The following TYR variants were observed in gnomAD, a reference collection of about 807,000 sequenced individuals.
The protein encoded by TYR is tyrosinase.
In TYR, 58 loss-of-function variants were observed where a neutral mutation model predicts 51.5. The observed-to-expected ratio is 1.13, with a 90% CI of 0.91 to 1.40. TYR has a LOEUF of 1.40. Among genes scored for constraint, TYR ranks in the 40% most tolerant of loss-of-function variants. The pLI is 0.00. For synonymous variants in TYR, 263 were observed against 235.2 expected (o/e 1.12, Z -1.08); for missense variants, 732 against 647.4 (o/e 1.13, Z -1.42).
intron 3 of TYR, among the ~76,000 whole-genome samples, chr11:89,240,997 C>T (rs1944186266): frequency 6.6e-6 from 1 of 152,060 alleles, no homozygotes; most frequent in African/African-American, 2.4e-5. Flanking sequence ...GTTGAAGACT[C>T]CAAAAGAAAG....
intron 2 of TYR, among the ~76,000 whole-genome samples, chr11:89,195,016 T>C (rs1249366923): frequency 1.3e-5 from 2 of 152,100 alleles, no homozygotes; most frequent in African/African-American, 4.8e-5. Context: ...ACACATTTTA[T>C]CTCACATCAT....
intron 4 of TYR, 81 bp downstream of exon 4, chr11:89,285,035 C>A: frequency 1.7e-6 from 2 of 1,207,698 alleles, no homozygotes; most frequent in African/African-American, 1.5e-5. Flanking sequence ...CTTTATGCTT[C>A]GACAATGTTA....
chr11:89,183,428 A>T (rs1943327340), intron 1 of TYR, among the ~76,000 whole-genome samples: 1 of 152,128 alleles, frequency 6.6e-6, no homozygotes, highest in Non-Finnish European at 1.5e-5. Context: ...AAAGAGAAAA[A>T]AAATGAGGTA....
At chr11:89,183,716 G>A (rs1178152059) in intron 1 of TYR, among the ~76,000 whole-genome samples, 1 of 152,010 alleles carries the variant, frequency 6.6e-6, no homozygotes, top group Non-Finnish European at 1.5e-5. Flanking sequence ...CCTATTGTTT[G>A]AGTTTCATGT....
chr11:89,221,387 G>T (rs1326241009), intron 2 of TYR, among the ~76,000 whole-genome samples: 2 of 152,186 alleles, frequency 1.3e-5, no homozygotes, highest in Non-Finnish European at 2.9e-5. Flanking sequence ...CAAATTAAAA[G>T]TATTTTCTAA....
chr11:89,271,144 A>G (rs944340181), intron 3 of TYR, among the ~76,000 whole-genome samples: 5 of 151,872 alleles, frequency 3.3e-5, no homozygotes, highest in Admixed American at 2.6e-4. Flanking sequence ...AACAATAATA[A>G]TAACATCTAT....
At chr11:89,267,204 G>A (rs1283578018) in intron 3 of TYR, among the ~76,000 whole-genome samples, 1 of 151,904 alleles carries the variant, frequency 6.6e-6, no homozygotes, top group East Asian at 1.9e-4. Context: ...TGTCTGCTAT[G>A]ACAAGAGTGT....
chr11:89,209,627 C>T lies in TYR; in HGVS notation c.1037-18196C>T, dbSNP rs561869695. On this transcript the variant is annotated intron_variant, in intron 2 of 4. Transcript: ENST00000263321. ...GCAGTGGCTCTTGGAGCACAGCGTT[C>T]GAGCTCCGATAATGGACAGACGGCC... is the stretch of plus-strand genomic sequence containing the variant. Among the ~76,000 whole-genome samples, 4 of 152,262 alleles carry T rather than the reference C, an allele frequency of 2.6e-5. No individual in the cohort carries two copies. In the South Asian group the frequency reaches 6.2e-4, roughly 24 times the overall value.
chr11:89,210,668 G>A (rs1591157077), intron 2 of TYR, among the ~76,000 whole-genome samples: 1 of 152,164 alleles, frequency 6.6e-6, no homozygotes, highest in African/African-American at 2.4e-5. Context: ...ATAATTGTCA[G>A]ATTCACCAAG....
In TYR at chr11:89,191,420, T is replaced by G. The variant is rs750894109; in HGVS notation, c.1036+2T>G. 1.9e-6 allele frequency: 3 copies of G among 1,612,428 alleles called. No individual in the cohort carries two copies. Among genetic ancestry groups the G allele is most frequent in the Admixed American group, 3.3e-5 (2 of 59,924 alleles). On this transcript the variant is annotated splice_donor_variant, in intron 2 of 4. Transcript: ENST00000263321. LOFTEE classifies it high-confidence loss of function. Reference sequence around the variant, plus strand: ...TCAGCTTTAGAAATACACTGGAAGGTAATCTCTTTCTTTTCACTTTTAATT... The same window carrying G: ...TCAGCTTTAGAAATACACTGGAAGGGAATCTCTTTCTTTTCACTTTTAATT...
At chr11:89,254,497 C>G (rs138904493) in intron 3 of TYR, among the ~76,000 whole-genome samples, 86 of 151,594 alleles carry the variant, frequency 5.7e-4, no homozygotes, top group African/African-American at 2.1e-3. Flanking sequence ...ATTTCAATGT[C>G]GCTGCTTTTT....
intron 3 of TYR, among the ~76,000 whole-genome samples, chr11:89,274,161 C>A (rs1447791740): frequency 2.0e-5 from 3 of 151,824 alleles, no homozygotes; most frequent in East Asian, 1.9e-4. Context: ...TTAAGTATCA[C>A]AATCATCTAG....
chr11:89,264,752 C>A (rs1360757173), intron 3 of TYR, among the ~76,000 whole-genome samples: 1,811 of 142,574 alleles, frequency 0.013, 40 homozygotes, highest in African/African-American at 0.047. Flanking sequence ...AAAAAACAAA[C>A]AAACAAACGA....
At chr11:89,223,810 G>T (rs1170421860) in intron 2 of TYR, among the ~76,000 whole-genome samples, 2 of 151,704 alleles carry the variant, frequency 1.3e-5, no homozygotes, top group South Asian at 4.2e-4. Flanking sequence ...AATCTGGTAT[G>T]TATTACAAAG....
chr11:89,295,230 G>C lies in TYR; in HGVS notation c.1454G>C (p.Gly485Ala), dbSNP rs940767921. 43 of 1,613,866 alleles carry C rather than the reference G, an allele frequency of 2.7e-5. No homozygotes were observed. Among genetic ancestry groups the C allele is most frequent in the Non-Finnish European group, 3.4e-5 (40 of 1,179,874 alleles). The change falls in exon 5 of 5, where the codon GGG (glycine) becomes GCG (alanine). Residue 485 changes from glycine (G) to alanine (A), a missense_variant. By Grantham distance (60) the Gly-to-Ala change is moderately conservative. Transcript: ENST00000263321. ...TGGCTCCTTGGGGCGGCGATGGTAG[G>C]GGCCGTCCTCACTGCCCTGCTGGCA... is the stretch of plus-strand genomic sequence containing the variant. Reference protein sequence around the residue: ...WSWLLGAAMVGAVLTALLAGL... With the variant: ...WSWLLGAAMVAAVLTALLAGL...
chr11:89,177,976 G>A lies in TYR; in HGVS notation c.23G>A (p.Cys8Tyr), dbSNP rs922323302. MLLAVLY[C>Y]LLWSFQTSAG... is the part of the protein sequence containing the mutation. Reference sequence around the variant, plus strand: ...AGAATGCTCCTGGCTGTTTTGTACTGCCTGCTGTGGAGTTTCCAGACCTCC... The same window carrying A: ...AGAATGCTCCTGGCTGTTTTGTACTACCTGCTGTGGAGTTTCCAGACCTCC... The change falls in exon 1 of 5, where the codon TGC (cysteine) becomes TAC (tyrosine). Residue 8 changes from cysteine (C) to tyrosine (Y), a missense_variant. Physicochemically the swap from Cys to Tyr is radical, Grantham distance 194. Transcript: ENST00000263321. The A allele has an allele frequency of 1.5e-5, 25 of 1,614,000 alleles. No individual in the cohort carries two copies. The highest frequency in any genetic ancestry group is 3.3e-5 in the Admixed American group (2 of 60,000).
At chr11:89,275,884 T>C (rs544121043) in intron 3 of TYR, among the ~76,000 whole-genome samples, 9 of 152,012 alleles carry the variant, frequency 5.9e-5, no homozygotes, top group Non-Finnish European at 1.3e-4. Flanking sequence ...CCATTTAGGT[T>C]ATAGTTCACA....
At chr11:89,277,123 T>C (rs1337722790) in intron 3 of TYR, among the ~76,000 whole-genome samples, 1 of 151,778 alleles carries the variant, frequency 6.6e-6, no homozygotes, top group African/African-American at 2.4e-5. Context: ...ATGAGCACAC[T>C]GAGGCTTAGA....
chr11:89,233,788 T>TAAA lies in TYR; in HGVS notation c.1184+5818_1184+5819insAAA, dbSNP rs1944079878. ...TGGGCTTAAAGTATTCAGTAAACCA[T>TAAA]GCTGTAAACGGATATGCTATCATGC... is the stretch of plus-strand genomic sequence containing the variant. On this transcript the variant is annotated intron_variant, in intron 3 of 4. Coordinates refer to ENST00000263321, the MANE Select transcript of TYR (RefSeq NM_000372.5). Among the ~76,000 whole-genome samples, 2 of 142,980 alleles carry TAAA rather than the reference T, an allele frequency of 1.4e-5. 1 individual carries two copies. The highest frequency in any genetic ancestry group is 3.0e-5 in the Non-Finnish European group (2 of 66,558). 93.8% of individuals were successfully genotyped at this position (142,980 alleles called of 152,430 possible).
Sources: gnomAD v4.1 joint callset for allele counts (sites outside exome capture counted in the v4.1 genomes callset) on GRCh38, gnomAD v4.1.1 for gene constraint, MANE v1.5 for transcripts, NCBI Gene and HGNC (gene_info 2026-07-23, HGNC 2026-07-21) for gene names.